TXN: variants seen among roughly 807,000 people sequenced by gnomAD.
TXN encodes ADF.
TXN carries 10 observed loss-of-function variants against 16.5 expected under a neutral mutation model. The ratio of observed to expected loss-of-function variants is 0.61; its 90% confidence interval spans 0.37 to 1.03. TXN has a LOEUF of 1.03. TXN is among the 50% of genes least tolerant of loss of function. TXN has a pLI of 0.01. For synonymous variants in TXN, 35 were observed against 39.4 expected, an observed-to-expected ratio of 0.89 and a Z score of 0.42; for missense variants, 71 against 122.5, an observed-to-expected ratio of 0.58 and a Z score of 1.98.
At chr9:110,252,630 T>C (rs577829184) in intron 1 of TXN, among the ~76,000 whole-genome samples, 1 of 152,210 alleles carries the variant, frequency 6.6e-6, no homozygotes, top group Non-Finnish European at 1.5e-5. Flanking sequence ...ATATTCTAGT[T>C]ACCAAGGACT....
intron 1 of TXN, 22 bp from the exon 2 acceptor site, chr9:110,251,484 A>G (rs1469782281): frequency 1.4e-5 from 20 of 1,430,752 alleles, no homozygotes; most frequent in African/African-American, 2.9e-5. Context: ...AGAAAAGCTT[A>G]TATTAAATAA....
intron 3 of TXN, among the ~76,000 whole-genome samples, chr9:110,248,879 G>A (rs1204938852): frequency 1.3e-5 from 2 of 151,978 alleles, no homozygotes; most frequent in Non-Finnish European, 2.9e-5. Context: ...TTGGGAGGCC[G>A]AGGTGGGTGG....
intron 1 of TXN, among the ~76,000 whole-genome samples, chr9:110,253,896 G>C (rs1224639345): frequency 6.6e-6 from 1 of 152,014 alleles, no homozygotes; most frequent in East Asian, 1.9e-4. Context: ...TCTGGGGGAA[G>C]CAGAACAGTG....
Position 110,256,319 on chromosome 9 carries a change from C to A in TXN, c.24+93G>T. On this transcript the variant is annotated intron_variant, in intron 1 of 4. Coordinates refer to ENST00000374517, the MANE Select transcript of TXN (RefSeq NM_003329.4). This position sits in a 1 kb window ranked among gnomAD's most constrained non-coding sequence, Gnocchi z 4.2. ...GCGGAGGGGCGGCCTCCGCACCTCC[C>A]GCCACCGCCTTCCCCACCTCCCGCC... 1.5e-6 allele frequency: 2 copies of A among 1,376,640 alleles called. No individual in the cohort carries two copies. Among genetic ancestry groups the A allele is most frequent in the South Asian group, 2.5e-5 (2 of 80,932 alleles). 85.3% of individuals were successfully genotyped at this position (1,376,640 alleles called of 1,614,324 possible).
chr9:110,245,803 T>C (rs1376254021), intron 3 of TXN, among the ~76,000 whole-genome samples: 4 of 151,102 alleles, frequency 2.6e-5, no homozygotes, highest in Non-Finnish European at 5.9e-5. Flanking sequence ...TCCTGCTTAT[T>C]TTTAATTAAA....
chr9:110,252,425 C>T (rs2118578756), intron 1 of TXN, among the ~76,000 whole-genome samples: 1 of 152,136 alleles, frequency 6.6e-6, no homozygotes, highest in African/African-American at 2.4e-5. Flanking sequence ...GATTTTTGCC[C>T]TTTATTTTAA....
intron 1 of TXN, among the ~76,000 whole-genome samples, chr9:110,255,013 T>C (rs965201382): frequency 6.6e-6 from 1 of 152,056 alleles, no homozygotes; most frequent in African/African-American, 2.4e-5. Context: ...AAAATGAGAA[T>C]CCCACTAAGA....
chr9:110,250,753 C>G (rs139115400), intron 3 of TXN, 67 bp downstream of exon 3: 1,383 of 1,171,538 alleles, frequency 1.2e-3, no homozygotes, highest in Non-Finnish European at 1.6e-3. Context: ...GAAAAAAGCA[C>G]TGTGCAATTC....
intron 3 of TXN, among the ~76,000 whole-genome samples, chr9:110,250,211 C>T (rs1837713175): frequency 6.6e-6 from 1 of 152,180 alleles, no homozygotes; most frequent in South Asian, 2.1e-4. Context: ...GGGATGATAA[C>T]AGCACTCAGG....
chr9:110,245,654 A>ATATATATTTTTTT (rs1232332404), intron 3 of TXN, among the ~76,000 whole-genome samples: 3 of 21,784 alleles, frequency 1.4e-4, no homozygotes, highest in African/African-American at 2.0e-4. Flanking sequence ...ATATATATAT[A>ATATATATTTTTTT]TTTTTTTTTT....
intron 3 of TXN, among the ~76,000 whole-genome samples, chr9:110,246,975 T>C (rs1837667611): frequency 6.6e-6 from 1 of 152,154 alleles, no homozygotes; most frequent in Admixed American, 6.5e-5. Context: ...TATCAATCTA[T>C]GGAGGCAAAG....
chr9:110,256,473 G>GATGGAAATGGATCCAAAGCACCA lies in TXN; in HGVS notation c.-61_-39dup, dbSNP rs1837812793. The GATGGAAATGGATCCAAAGCACCA allele has an allele frequency of 1.3e-6, 2 of 1,594,688 alleles. No individual in the cohort carries two copies. Among genetic ancestry groups the GATGGAAATGGATCCAAAGCACCA allele is most frequent in the African/African-American group, 2.7e-5 (2 of 74,182 alleles). ...AGTCTGACGAGCGGCTGTAAGGACC[G>GATGGAAATGGATCCAAAGCACCA]ATGGAAATGGATCCAAAGCACCAAA... On this transcript the variant is annotated 5_prime_UTR_variant, in exon 1 of 5. Transcript: ENST00000374517. The surrounding 1 kb of genome is among the most constrained non-coding windows in gnomAD (Gnocchi z 4.2).
chr9:110,256,463 T>A lies in TXN; in HGVS notation c.-28A>T. The A allele has an allele frequency of 1.9e-6, 3 of 1,602,452 alleles. No homozygotes were observed. The East Asian group carries it at 6.8e-5, about 36-fold the overall frequency. On this transcript the variant is annotated 5_prime_UTR_variant, in exon 1 of 5. Transcript: ENST00000374517. The surrounding 1 kb of genome is among the most constrained non-coding windows in gnomAD (Gnocchi z 4.2). ...TGGCTGCTGGAGTCTGACGAGCGGC[T>A]GTAAGGACCGATGGAAATGGATCCA...
chr9:110,249,313 A>G (rs1837698224), intron 3 of TXN, among the ~76,000 whole-genome samples: 1 of 151,838 alleles, frequency 6.6e-6, no homozygotes, highest in Non-Finnish European at 1.5e-5. Flanking sequence ...TTTTTAAAAA[A>G]AAAAAAACAA....
intron 4 of TXN, 22 bp downstream of exon 4, chr9:110,244,748 GTTAGAGTT>G: frequency 6.3e-7 from 1 of 1,586,528 alleles, no homozygotes; most frequent in Non-Finnish European, 8.7e-7. Flanking sequence ...CTATTGCCCA[GTTAGAGTT>G]TTAAAGGTCA....
chr9:110,253,238 T>C (rs1171804561), intron 1 of TXN, among the ~76,000 whole-genome samples: 1 of 152,212 alleles, frequency 6.6e-6, no homozygotes, highest in Non-Finnish European at 1.5e-5. Context: ...TACCTCGTTT[T>C]TGGGAAAATA....
chr9:110,244,215 C>T lies in TXN; in HGVS notation c.260G>A (p.Gly87Asp). ...TTCCTTATTGGCTCCAGAAAATTCA[C>T]CCACCTGTTAAGAGAATATTGAATT... is the stretch of plus-strand genomic sequence containing the variant. ...FQFFKKGQKV[G>D]EFSGANKEKL... Residue 87 changes from glycine (G) to aspartate (D), a missense_variant, in exon 5 of 5, where the codon GGT becomes GAT. Physicochemically the swap from Gly to Asp is moderately conservative, Grantham distance 94. Transcript: ENST00000374517. 4 of 1,559,208 alleles carry T rather than the reference C, an allele frequency of 2.6e-6. No individual in the cohort carries two copies. The highest frequency in any genetic ancestry group is 3.5e-6 in the Non-Finnish European group (4 of 1,151,460).
chr9:110,251,253 C>T, intron 2 of TXN, 105 bp downstream of exon 2: 3 of 834,064 alleles, frequency 3.6e-6, no homozygotes, highest in Non-Finnish European at 6.1e-6. Context: ...AAAGAAATCC[C>T]CCCACCGAAA....
At chr9:110,247,074 G>C (rs186154743) in intron 3 of TXN, among the ~76,000 whole-genome samples, 1 of 152,288 alleles carries the variant, frequency 6.6e-6, no homozygotes, top group Non-Finnish European at 1.5e-5. Flanking sequence ...TCTAATCCCA[G>C]CACTTTGGGA....
Sources: gnomAD v4.1 joint callset for allele counts (sites outside exome capture counted in the v4.1 genomes callset) on GRCh38, gnomAD v4.1.1 for gene constraint, Gnocchi (gnomAD v3.1) non-coding constraint, MANE v1.5 for transcripts, NCBI Gene and HGNC (gene_info 2026-07-23, HGNC 2026-07-21) for gene names.